The following SSX2IP variants were observed in gnomAD, a reference collection of about 807,000 sequenced individuals.
SSX2IP encodes the protein afadin- and alpha-actinin-binding protein.
SSX2IP carries 55 observed loss-of-function variants against 84.9 expected under a neutral mutation model. The observed-to-expected ratio is 0.65, with a 90% CI of 0.52 to 0.81. The LOEUF is 0.81. Ranked by LOEUF, SSX2IP falls within the 30% of genes least tolerant of loss-of-function variation. The pLI is 0.00. For synonymous variants in SSX2IP, 239 were observed against 234.7 expected (o/e 1.02, Z -0.17); for missense variants, 664 against 705.2 (o/e 0.94, Z 0.66).
chr1:84,650,602 G>T, intron 12 of SSX2IP, 75 bp from the exon 13 acceptor site: 1 of 1,503,864 alleles, frequency 6.6e-7, no homozygotes, highest in Non-Finnish European at 9.2e-7. Context: ...AAATCATCAG[G>T]ATGATTCATC....
rs1189947146 is a variant in SSX2IP at position 84,658,313 on chromosome 1, G to C, written c.1078+5C>G. The C allele has an allele frequency of 6.2e-7, 1 of 1,613,946 alleles. No individual in the cohort carries two copies. The highest frequency in any genetic ancestry group is 1.7e-5 in the Admixed American group (1 of 60,004). The stretch of plus-strand genomic sequence containing the variant: ...TCACTTTACATGCATAGAAGCAGTG[G>C]TTACCTTGGTTATCAAGCTTTTCTA... On this transcript the variant is annotated splice_donor_5th_base_variant and intron_variant, in intron 9 of 13. Coordinates refer to ENST00000342203, the MANE Select transcript of SSX2IP (RefSeq NM_001166293.2).
At chr1:84,672,967 T>G (rs1570681472) in intron 1 of SSX2IP, among the ~76,000 whole-genome samples, 1 of 152,128 alleles carries the variant, frequency 6.6e-6, no homozygotes, top group Non-Finnish European at 1.5e-5. Flanking sequence ...AAGGTTACAC[T>G]GAGCTGAGAT....
intron 11 of SSX2IP, among the ~76,000 whole-genome samples, chr1:84,654,635 G>C (rs1222638260): frequency 6.6e-6 from 1 of 152,032 alleles, no homozygotes; most frequent in Admixed American, 6.6e-5. Flanking sequence ...AAGCTACAGA[G>C]AAAAAGAATT....
chr1:84,652,170 C>G, intron 11 of SSX2IP, 173 bp from the exon 12 acceptor site: 1 of 548,916 alleles, frequency 1.8e-6, no homozygotes, highest in South Asian at 2.4e-5. Flanking sequence ...GTCTGTAATC[C>G]CAGTATTTTG....
chr1:84,651,493 T>C (rs189179721), intron 12 of SSX2IP, among the ~76,000 whole-genome samples: 1 of 152,116 alleles, frequency 6.6e-6, no homozygotes, highest in Non-Finnish European at 1.5e-5. Context: ...TTTGGGAGGC[T>C]GAGATGGGTG....
rs1214178766 is a variant in SSX2IP, at chr1:84,666,075, A to G, written c.537+47T>C. The G allele has an allele frequency of 3.4e-6, 5 of 1,461,566 alleles. No homozygotes were observed. In the South Asian group the frequency reaches 4.8e-5, roughly 14 times the overall value. 90.5% of individuals were successfully genotyped at this position (1,461,566 alleles called of 1,614,324 possible). A position where few individuals can be genotyped will look rare whatever the true frequency, so the allele number is the denominator to read the frequency against. ...CTTATGGTCATCTCATATTACAAAG[A>G]AAACAAAAATTCACTTAAACTTCAT... On this transcript the variant is annotated intron_variant, in intron 5 of 13. Transcript: ENST00000342203.
In SSX2IP at chr1:84,670,835, C is replaced by T. The variant is rs757053746; in HGVS notation, c.44-20G>A. 1 of 1,567,332 alleles carries T rather than the reference C, an allele frequency of 6.4e-7. No homozygotes were observed. Among genetic ancestry groups the T allele is most frequent in the African/African-American group, 1.4e-5 (1 of 72,864 alleles). Reference sequence around the variant, plus strand: ...TGCTTTCTGAAAGAATAAAAGGCATCTATATAAATAATTTAGAAAAACGTA... The same window carrying T: ...TGCTTTCTGAAAGAATAAAAGGCATTTATATAAATAATTTAGAAAAACGTA... On this transcript the variant is annotated intron_variant, in intron 2 of 13. Transcript: ENST00000342203.
intron 11 of SSX2IP, among the ~76,000 whole-genome samples, chr1:84,652,764 G>T (rs1440988994): frequency 6.6e-6 from 1 of 151,820 alleles, no homozygotes; most frequent in African/African-American, 2.4e-5. Flanking sequence ...GGTGGCTCAC[G>T]CCTGTAATCC....
rs373921430 is a variant in SSX2IP, at chr1:84,647,642, T to A, written c.1671-35A>T. 11 of 1,447,370 alleles carry A rather than the reference T, an allele frequency of 7.6e-6. No individual in the cohort carries two copies. The Middle Eastern group carries it at 5.5e-4, about 72-fold the overall frequency. 89.7% of individuals were successfully genotyped at this position (1,447,370 alleles called of 1,614,324 possible). A position where few individuals can be genotyped will look rare whatever the true frequency, so the allele number is the denominator to read the frequency against. The stretch of plus-strand genomic sequence containing the variant: ...AAAGAAAGGCAGATCTTAGTGACTA[T>A]CCTCTCCTTCTTTTGTACTTTAACC... On this transcript the variant is annotated intron_variant, in intron 13 of 13. Coordinates refer to ENST00000342203, the MANE Select transcript of SSX2IP (RefSeq NM_001166293.2).
upstream of SSX2IP, chr1:84,690,557 CCCCCGCGCGCCGGCGCCGCAGG>C (rs1244400184): frequency 3.3e-5 from 5 of 152,296 alleles, no homozygotes; most frequent in African/African-American, 7.2e-5. Context: ...TCCCACCCCG[CCCCCGCGCGCCGGCGCCGCAGG>C]CCCCGCCGCC....
chr1:84,676,494 T>C (rs6682889), intron 1 of SSX2IP, among the ~76,000 whole-genome samples: 27,053 of 152,082 alleles, frequency 0.18, 2,554 homozygotes, highest in African/African-American at 0.23. Flanking sequence ...ACCAATGCCA[T>C]ACACTTCAGG....
rs1256939980 is a variant in SSX2IP at position 84,690,447 on chromosome 1, C to A, written c.-166G>T. 2 of 151,656 alleles carry A rather than the reference C, an allele frequency of 1.3e-5. No homozygotes were observed. The highest frequency in any genetic ancestry group is 4.8e-5 in the African/African-American group (2 of 41,312). 9.4% of individuals were successfully genotyped at this position (151,656 alleles called of 1,614,324 possible). On this transcript the variant is annotated 5_prime_UTR_variant, in exon 1 of 14. Coordinates refer to ENST00000342203, the MANE Select transcript of SSX2IP (RefSeq NM_001166293.2). ...GCTCCCGCAGCCCGAGGGCCAGCAG[C>A]GCCTCGCAGCGCCTCCCGCCCGCGG...
chr1:84,673,270 C>T (rs1403295815), intron 1 of SSX2IP, among the ~76,000 whole-genome samples: 1 of 152,146 alleles, frequency 6.6e-6, no homozygotes, highest in Non-Finnish European at 1.5e-5. Flanking sequence ...AAAACCTCCA[C>T]TGAAACGGTG....
In SSX2IP at chr1:84,655,897, G is replaced by T; in HGVS notation, c.1324C>A (p.Gln442Lys). ...LKEEWSLFKE[Q>K]KKNFERERRS... ...CTCTCCCTCTCAAAATTCTTTTTCT[G>T]CTCTTTAAAAAGGGACCATTCTTCT... Residue 442 changes from glutamine to lysine, a missense_variant, in exon 11 of 14, where the codon CAG becomes AAG. By Grantham distance (53) the Gln-to-Lys change is moderately conservative. Transcript: ENST00000342203. 6.2e-7 allele frequency: 1 copy of T among 1,613,848 alleles called. No homozygotes were observed. The highest frequency in any genetic ancestry group is 1.3e-5 in the African/African-American group (1 of 75,006).
chr1:84,657,818 T>C (rs1409624784), intron 9 of SSX2IP, among the ~76,000 whole-genome samples: 1 of 152,188 alleles, frequency 6.6e-6, no homozygotes, highest in East Asian at 1.9e-4. Flanking sequence ...TCAGTGAGGT[T>C]CAAACCTCAC....
Position 84,647,580 on chromosome 1 carries a change from A to G in SSX2IP, c.1698T>C (p.Ala566=), listed in dbSNP as rs200019262. 6 of 1,611,204 alleles carry G rather than the reference A, an allele frequency of 3.7e-6. No homozygotes were observed. The highest frequency in any genetic ancestry group is 1.1e-5 in the South Asian group (1 of 90,604). ...HSSINVLNIT[A]EEIKPNQVGG... is the part of the protein sequence containing the mutation. ...CAACCTGATTTGGTTTAATTTCTTC[A>G]GCAGTTATATTCAGTACATTGATTG... is the stretch of plus-strand genomic sequence containing the variant. Residue 566 remains alanine, a synonymous_variant, in exon 14 of 14, where the codon GCT becomes GCC. Coordinates refer to ENST00000342203, the MANE Select transcript of SSX2IP (RefSeq NM_001166293.2).
At chr1:84,663,271 T>A (rs183345723) in intron 6 of SSX2IP, among the ~76,000 whole-genome samples, 1 of 152,298 alleles carries the variant, frequency 6.6e-6, no homozygotes, top group Non-Finnish European at 1.5e-5. Context: ...TCACTTCCGA[T>A]TGGACCAGGA....
At chr1:84,687,981 G>GT (rs1330096200) in intron 1 of SSX2IP, among the ~76,000 whole-genome samples, 2 of 152,024 alleles carry the variant, frequency 1.3e-5, no homozygotes, top group Non-Finnish European at 2.9e-5. Flanking sequence ...TTTTTGTGAG[G>GT]TTTTTTTGCT....
At chr1:84,672,420 A>AC (rs1557511606) in intron 1 of SSX2IP, among the ~76,000 whole-genome samples, 1 of 152,126 alleles carries the variant, frequency 6.6e-6, no homozygotes, top group African/African-American at 2.4e-5. Context: ...TAAAAAAAAA[A>AC]AAAACTCTAT....
Sources: gnomAD v4.1 joint callset for allele counts (sites outside exome capture counted in the v4.1 genomes callset) on GRCh38, gnomAD v4.1.1 for gene constraint, MANE v1.5 for transcripts, NCBI Gene and HGNC (gene_info 2026-07-23, HGNC 2026-07-21) for gene names.